Variants in AP1M1 observed in about 807,000 individuals in gnomAD.
The protein encoded by AP1M1 is adaptor related protein complex 1 subunit mu 1.
A neutral mutation model predicts 57.1 loss-of-function variants in AP1M1; 18 were observed. The observed-to-expected ratio is 0.32, with a 90% confidence interval of 0.22 to 0.47. The LOEUF is 0.47. Among genes scored for constraint, AP1M1 ranks in the 20% least tolerant of loss-of-function variants. The probability of loss-of-function intolerance (pLI) is 1.00; values close to 1 mark genes in which losing one functional copy is unlikely to be tolerated. For synonymous variants in AP1M1, 241 were observed against 237.9 expected, an observed-to-expected ratio of 1.01 and a Z score of -0.12; for missense variants, 362 against 593.5, an observed-to-expected ratio of 0.61 and a Z score of 4.05.
In AP1M1 at chr19:16,198,010, G is replaced by A; in HGVS notation, c.-17G>A. ...CGCCACCGCCCTCGGCCGCTGCCGA[G>A]GCCTCCTGCAGCCATCATGTCCGCC... On this transcript the variant is annotated 5_prime_UTR_variant, in exon 1 of 12. Coordinates refer to ENST00000291439, the MANE Select transcript of AP1M1 (RefSeq NM_032493.4). The A allele has an allele frequency of 1.5e-6, 2 of 1,321,296 alleles. No individual in the cohort carries two copies. Among genetic ancestry groups the A allele is most frequent in the South Asian group, 1.3e-5 (1 of 75,794 alleles). 81.8% of individuals were successfully genotyped at this position (1,321,296 alleles called of 1,614,324 possible). A position where few individuals can be genotyped will look rare whatever the true frequency, so the allele number is the denominator to read the frequency against.
chr19:16,201,939 C>T (rs894440019), intron 1 of AP1M1, among the ~76,000 whole-genome samples: 16 of 152,094 alleles, frequency 1.1e-4, no homozygotes, highest in East Asian at 1.9e-4. Context: ...TTCTCAGTGC[C>T]GGGGAGGCTG....
chr19:16,216,649 G>A (rs556159770), intron 5 of AP1M1, among the ~76,000 whole-genome samples: 4 of 152,306 alleles, frequency 2.6e-5, no homozygotes, highest in South Asian at 2.1e-4. Context: ...GTTTGATTGT[G>A]TATAAGGTGG....
At position 16,233,643 on chromosome 19, in the gene AP1M1, G is replaced by T. The variant is rs550371855; in HGVS notation, c.1173+25G>T. ...GGTACGTAAGGCCCAGGCGGCCGGG[G>T]CCCAGAACAGGGACAGAGGCCGCAG... On this transcript the variant is annotated intron_variant, in intron 10 of 11. Transcript: ENST00000291439. 1.2e-5 allele frequency: 20 copies of T among 1,601,754 alleles called. No homozygotes were observed. In the African/African-American group the frequency reaches 2.4e-4, roughly 19 times the overall value.
In AP1M1 at chr19:16,206,282, G is replaced by C; in HGVS notation, c.200-59G>C. The C allele has an allele frequency of 6.3e-7, 1 of 1,578,780 alleles. No individual in the cohort carries two copies. The highest frequency in any genetic ancestry group is 8.7e-7 in the Non-Finnish European group (1 of 1,148,922). On this transcript the variant is annotated intron_variant, in intron 2 of 11. Coordinates refer to ENST00000291439, the MANE Select transcript of AP1M1 (RefSeq NM_032493.4). The surrounding 1 kb of genome is among the most constrained non-coding windows in gnomAD (Gnocchi z 4.3). ...GGTTAGGGGGTCCCTCCATGAACCA[G>C]GATCTTCCAGGCAGCAGCCCCAGCC... is the stretch of plus-strand genomic sequence containing the variant.
intron 9 of AP1M1, 102 bp downstream of exon 9, chr19:16,229,030 GC>G: frequency 7.3e-7 from 1 of 1,373,710 alleles, no homozygotes; most frequent in Non-Finnish European, 1.0e-6. Context: ...GGTGACAGTG[GC>G]CACTGTGTCT....
Position 16,239,281 on chromosome 19 carries a change from A to T in AP1M1, c.*4846A>T, listed in dbSNP as rs2091636995. 1 of 75,380 alleles carries T rather than the reference A, an allele frequency of 1.3e-5. No homozygotes were observed. The highest frequency in any genetic ancestry group is 2.3e-5 in the Non-Finnish European group (1 of 43,944). 4.7% of individuals were successfully genotyped at this position (75,380 alleles called of 1,614,324 possible). On this transcript the variant is annotated 3_prime_UTR_variant, in exon 12 of 12. Transcript: ENST00000291439. ...TTTTTTTTTTTTTTTTTTTTTTTTA[A>T]GACTGCAAAGCTGGGCATGGTAGTA...
chr19:16,229,434 TTCTGAGGAGCTGA>T (rs1468908590), intron 9 of AP1M1, among the ~76,000 whole-genome samples: 1 of 152,314 alleles, frequency 6.6e-6, no homozygotes, highest in East Asian at 1.9e-4. Flanking sequence ...ATGTTAAGGA[TTCTGAGGAGCTGA>T]GTCTGGGCTT....
intron 5 of AP1M1, among the ~76,000 whole-genome samples, chr19:16,217,540 G>T (rs1013488464): frequency 6.6e-6 from 1 of 152,022 alleles, no homozygotes; most frequent in African/African-American, 2.4e-5. Flanking sequence ...AGTATTCCCC[G>T]TTCAGGTACA....
chr19:16,231,628 C>T (rs1222442760), intron 9 of AP1M1, among the ~76,000 whole-genome samples: 1 of 80,192 alleles, frequency 1.2e-5, no homozygotes, highest in Non-Finnish European at 4.0e-5. Flanking sequence ...CAGGGTTTCG[C>T]TATTGTTGCT....
chr19:16,210,751 G>A (rs144627992), intron 5 of AP1M1, among the ~76,000 whole-genome samples: 2 of 151,974 alleles, frequency 1.3e-5, no homozygotes, highest in African/African-American at 4.8e-5. Context: ...CTAGAGACGG[G>A]GTTTCACCAT....
At chr19:16,215,953 G>A (rs749227100) in intron 5 of AP1M1, among the ~76,000 whole-genome samples, 4 of 152,200 alleles carry the variant, frequency 2.6e-5, no homozygotes, top group East Asian at 3.9e-4. Flanking sequence ...AGCTTGGTCT[G>A]TACTACTGTT....
rs567076354 is a variant in AP1M1 at position 16,234,463 on chromosome 19, T to C, written c.*28T>C. On this transcript the variant is annotated 3_prime_UTR_variant, in exon 12 of 12. Transcript: ENST00000291439. ...GGCTGTCGCAGCCAACACCCCGGCC[T>C]CGGGGCTCCTGGTGGCAGCACCAGG... 7 of 1,613,006 alleles carry C rather than the reference T, an allele frequency of 4.3e-6. No homozygotes were observed. The highest frequency in any genetic ancestry group is 8.5e-7 in the Non-Finnish European group (1 of 1,179,784).
In AP1M1 at chr19:16,206,329, G is replaced by C; in HGVS notation, c.200-12G>C. ...AGCCTCTGAATGCTCCTTAACTGTG[G>C]CCGCCATGCAGTGGTTGCCACATCC... On this transcript the variant is annotated splice_polypyrimidine_tract_variant and intron_variant, in intron 2 of 11. Transcript: ENST00000291439. The surrounding 1 kb of genome is among the most constrained non-coding windows in gnomAD (Gnocchi z 4.3). The C allele has an allele frequency of 6.2e-7, 1 of 1,614,074 alleles. No individual in the cohort carries two copies. The highest frequency in any genetic ancestry group is 1.1e-5 in the South Asian group (1 of 91,080).
Position 16,198,233 on chromosome 19 carries a change from C to T in AP1M1, c.42+165C>T, listed in dbSNP as rs558790619. 421 of 603,854 alleles carry T rather than the reference C, an allele frequency of 7.0e-4. 1 individual carries two copies. In the African/African-American group the frequency reaches 7.7e-3, roughly 11 times the overall value. The allele number at this position is 603,854 out of a possible 1,614,324, so 37.4% of individuals were successfully genotyped here. ...GAGCCCCATCCTGTTTCTGGGTAAC[C>T]GGGCGGGGGTCTTAAGTGGGTAATC... On this transcript the variant is annotated intron_variant, in intron 1 of 11. Transcript: ENST00000291439.
intron 5 of AP1M1, among the ~76,000 whole-genome samples, chr19:16,219,428 G>A (rs181039164): frequency 1.3e-3 from 186 of 141,504 alleles, no homozygotes; most frequent in East Asian, 6.7e-3. Flanking sequence ...ATGGAATTTC[G>A]CTCTTGTTGC....
At position 16,234,793 on chromosome 19, in the gene AP1M1, C is replaced by G. The variant is rs1265207801; in HGVS notation, c.*358C>G. The G allele has an allele frequency of 7.2e-6, 3 of 417,332 alleles. No individual in the cohort carries two copies. The highest frequency in any genetic ancestry group is 8.2e-5 in the East Asian group (2 of 24,370). The allele number at this position is 417,332 out of a possible 1,614,324, so 25.9% of individuals were successfully genotyped here. On this transcript the variant is annotated 3_prime_UTR_variant, in exon 12 of 12. Transcript: ENST00000291439. ...CCAGCCAGCCAGCTGCAGGTGGCATCTGCCACGAAGGAAGCGCCAGCCTCG... is the reference window on the plus strand; with the variant it reads ...CCAGCCAGCCAGCTGCAGGTGGCATGTGCCACGAAGGAAGCGCCAGCCTCG...
chr19:16,215,200 C>CGGGGG lies in AP1M1; in HGVS notation c.546+6030_546+6034dup, dbSNP rs1192567428. ...GCACTTTGGGAGGCTAAGGCGGGGG[C>CGGGGG]GGGGGGGGGGGAGAGGGGGGAGGGG... On this transcript the variant is annotated intron_variant, in intron 5 of 11. Transcript: ENST00000291439. Among the ~76,000 whole-genome samples, 12 of 7,370 alleles carry CGGGGG rather than the reference C, an allele frequency of 1.6e-3. 1 individual carries two copies. The highest frequency in any genetic ancestry group is 2.7e-3 in the Admixed American group (2 of 744). 4.8% of individuals were successfully genotyped at this position (7,370 alleles called of 152,430 possible).
In AP1M1 at chr19:16,204,184, G is replaced by A. The variant is rs567492705; in HGVS notation, c.199+569G>A. Among the ~76,000 whole-genome samples, 45 of 152,092 alleles carry A rather than the reference G, an allele frequency of 3.0e-4. No homozygotes were observed. In the South Asian group the frequency reaches 7.5e-3, roughly 25 times the overall value. On this transcript the variant is annotated intron_variant, in intron 2 of 11. Transcript: ENST00000291439. The stretch of plus-strand genomic sequence containing the variant: ...AGGTGGGGAGTAGGCTGGGGCCATC[G>A]TGCAGGTGGGAGGGGAAGTGGCCTG...
chr19:16,214,940 G>A (rs1280568190), intron 5 of AP1M1, among the ~76,000 whole-genome samples: 1 of 150,424 alleles, frequency 6.6e-6, no homozygotes, highest in Admixed American at 6.6e-5. Context: ...GTAGAGATGG[G>A]GTTTTGCCAT....
Sources: gnomAD v4.1 joint callset for allele counts (sites outside exome capture counted in the v4.1 genomes callset) on GRCh38, gnomAD v4.1.1 for gene constraint, Gnocchi (gnomAD v3.1) non-coding constraint, MANE v1.5 for transcripts, NCBI Gene and HGNC (gene_info 2026-07-23, HGNC 2026-07-21) for gene names.